The following CLVS1 variants were observed in gnomAD, a reference collection of about 807,000 sequenced individuals.
CLVS1 encodes clavesin-1.
A neutral mutation model predicts 33.1 loss-of-function variants in CLVS1; 10 were observed. That is an observed-to-expected ratio of 0.30 (90% CI 0.19 to 0.51). The LOEUF (loss-of-function observed/expected upper bound fraction) is 0.51, where lower values mean the gene tolerates loss of function less well. Among genes scored for constraint, CLVS1 ranks in the 20% least tolerant of loss-of-function variants. The pLI is 0.97. For synonymous variants in CLVS1, 163 were observed against 166.1 expected (o/e 0.98, Z 0.14); for missense variants, 343 against 433.4 (o/e 0.79, Z 1.85).
chr8:61,132,154 G>C (rs1478235170), intron 2 of CLVS1, among the ~76,000 whole-genome samples: 1 of 152,224 alleles, frequency 6.6e-6, no homozygotes, highest in African/African-American at 2.4e-5. Context: ...AACGAGGCTG[G>C]ACCTGCAAAA....
At chr8:61,052,665 G>A (rs924349812), upstream of CLVS1, among the ~76,000 whole-genome samples, 1 of 152,196 alleles carries the variant, frequency 6.6e-6, no homozygotes, top group African/African-American at 2.4e-5. Context: ...AGCTGAGGGA[G>A]GGGCAGGCTA....
intron 1 of CLVS1, chr8:61,090,931 G>A (rs1215999837): frequency 9.6e-6 from 5 of 518,582 alleles, no homozygotes; most frequent in African/African-American, 3.9e-5. Context: ...AATGGGGAAT[G>A]TGCGTGAATC....
intron 1 of CLVS1, among the ~76,000 whole-genome samples, chr8:61,125,610 G>T (rs1805954661): frequency 1.3e-5 from 2 of 152,132 alleles, no homozygotes; most frequent in African/African-American, 4.8e-5. Context: ...ATACTTGGGG[G>T]ATTTAAAATA....
At chr8:61,139,128 G>A (rs928385658) in intron 2 of CLVS1, among the ~76,000 whole-genome samples, 1 of 152,214 alleles carries the variant, frequency 6.6e-6, no homozygotes, top group Admixed American at 6.5e-5. Flanking sequence ...GCCTTTGCCC[G>A]AGCGCTCTGC....
In CLVS1 at chr8:61,200,188, G is replaced by A. The variant is rs190175185; in HGVS notation, c.-152+68328G>A. Among the ~76,000 whole-genome samples the A allele has an allele frequency of 4.2e-3, 638 of 152,114 alleles. 5 individuals are homozygous for A. Among genetic ancestry groups the A allele is most frequent in the African/African-American group, 0.013 (553 of 41,492 alleles). On this transcript the variant is annotated intron_variant, in intron 2 of 2. Coordinates refer to the CLVS1 transcript ENST00000522621. ...GGCTGGGGTGCAGTGGTGCGATCTC[G>A]GCTCACTGCAACCTCCATCTCCTGA...
At chr8:61,021,421 G>C in the CLVS1 span, among the ~76,000 whole-genome samples, 1 of 152,180 alleles carries the variant, frequency 6.6e-6, no homozygotes, top group African/African-American at 2.4e-5. Context: ...CGCGATCTCA[G>C]TTTACTGCAA....
the CLVS1 span, among the ~76,000 whole-genome samples, chr8:60,978,373 A>G: frequency 6.6e-6 from 1 of 152,248 alleles, no homozygotes; most frequent in African/African-American, 2.4e-5. Context: ...ATACAGGTGT[A>G]ATCTGTGAGA....
At chr8:61,254,911 C>T (rs1302436765) in intron 2 of CLVS1, among the ~76,000 whole-genome samples, 2 of 152,122 alleles carry the variant, frequency 1.3e-5, no homozygotes, top group Non-Finnish European at 2.9e-5. Context: ...AGACTTGGTG[C>T]ACTGCACCCA....
At chr8:61,384,688 T>C (rs1814014164) in intron 3 of CLVS1, among the ~76,000 whole-genome samples, 1 of 152,166 alleles carries the variant, frequency 6.6e-6, no homozygotes, top group Non-Finnish European at 1.5e-5. Flanking sequence ...ATCATTTACC[T>C]TAAATCTGAG....
chr8:61,258,587 T>A (rs1339180568), intron 2 of CLVS1, among the ~76,000 whole-genome samples: 2 of 152,200 alleles, frequency 1.3e-5, no homozygotes, highest in Non-Finnish European at 2.9e-5. Context: ...TTCTCACCTC[T>A]GTGACCCAGG....
At chr8:61,228,183 A>C (rs1808368101) in intron 2 of CLVS1, among the ~76,000 whole-genome samples, 1 of 152,174 alleles carries the variant, frequency 6.6e-6, no homozygotes, top group Admixed American at 6.5e-5. Flanking sequence ...TTATTTAAAA[A>C]ATTTTTAATT....
chr8:61,149,426 T>C (rs1806480227), intron 2 of CLVS1, among the ~76,000 whole-genome samples: 1 of 150,542 alleles, frequency 6.6e-6, no homozygotes, highest in African/African-American at 2.4e-5. Flanking sequence ...GTGGTGCATG[T>C]CTGTAATCCC....
At chr8:61,409,295 T>C (rs889569197) in intron 3 of CLVS1, among the ~76,000 whole-genome samples, 3 of 152,220 alleles carry the variant, frequency 2.0e-5, no homozygotes, top group Non-Finnish European at 4.4e-5. Flanking sequence ...AGTTTCTTTG[T>C]CTTTGTTTAT....
intron 3 of CLVS1, among the ~76,000 whole-genome samples, chr8:61,431,922 C>T (rs1816129275): frequency 6.6e-6 from 1 of 152,126 alleles, no homozygotes; most frequent in Admixed American, 6.5e-5. Context: ...GTATTCATTG[C>T]CAGGACATCC....
intron 3 of CLVS1, among the ~76,000 whole-genome samples, chr8:61,451,554 G>A (rs1456839859): frequency 6.6e-6 from 1 of 152,140 alleles, no homozygotes; most frequent in African/African-American, 2.4e-5. Context: ...AAGACAAAGT[G>A]TTACACTGTC....
At chr8:61,248,528 T>G (rs962629725) in intron 2 of CLVS1, among the ~76,000 whole-genome samples, 1 of 151,810 alleles carries the variant, frequency 6.6e-6, no homozygotes, top group African/African-American at 2.4e-5. Context: ...GTATTCCTAG[T>G]TTTTTTTGTG....
chr8:61,494,670 G>GTTGA (rs1563579729), intron 5 of CLVS1, among the ~76,000 whole-genome samples: 1 of 152,106 alleles, frequency 6.6e-6, no homozygotes. Flanking sequence ...TCAGTGAGCA[G>GTTGA]TTGATTGGTC....
chr8:61,208,430 A>G (rs1381798498), intron 2 of CLVS1, among the ~76,000 whole-genome samples: 1 of 152,248 alleles, frequency 6.6e-6, no homozygotes, highest in East Asian at 1.9e-4. Context: ...CAATAGTTTA[A>G]GAAATCAGCT....
chr8:61,421,136 C>G (rs1462887037), intron 3 of CLVS1, among the ~76,000 whole-genome samples: 3 of 152,100 alleles, frequency 2.0e-5, no homozygotes. Flanking sequence ...ATAAAAGTTC[C>G]ATTCTGAGGC....
Sources: allele counts gnomAD v4.1 joint callset (sites outside exome capture counted in the v4.1 genomes callset), GRCh38; gene constraint gnomAD v4.1.1; transcripts MANE v1.5; gene names NCBI Gene and HGNC (gene_info 2026-07-23, HGNC 2026-07-21).